Variants in ATP6V1A observed in about 807,000 individuals in gnomAD.
ATP6V1A encodes the protein ATPase H+ transporting V1 subunit A, also known as V-type proton ATPase catalytic subunit A.
ATP6V1A carries 18 observed loss-of-function variants against 70.1 expected under a neutral mutation model. The observed-to-expected ratio is 0.26, with a 90% CI of 0.18 to 0.38. The LOEUF (loss-of-function observed/expected upper bound fraction) is 0.38. Among genes scored for constraint, ATP6V1A ranks in the 10% least tolerant of loss-of-function variants. The pLI is 1.00. For synonymous variants in ATP6V1A, 232 were observed against 253.8 expected (o/e 0.91, Z 0.82); for missense variants, 424 against 772.4 (o/e 0.55, Z 5.35).
chr3:113,779,666 G>A (rs1193220617), intron 2 of ATP6V1A, among the ~76,000 whole-genome samples: 1 of 152,072 alleles, frequency 6.6e-6, no homozygotes, highest in Non-Finnish European at 1.5e-5. Context: ...GTCATTAAAA[G>A]GTTATCAGTA....
intron 1 of ATP6V1A, among the ~76,000 whole-genome samples, chr3:113,776,706 G>C (rs1577086987): frequency 6.6e-6 from 1 of 152,046 alleles, no homozygotes. Flanking sequence ...TGATTTCCTT[G>C]TGTTTATAGG....
chr3:113,762,566 C>T (rs558353787), intron 1 of ATP6V1A, among the ~76,000 whole-genome samples: 5 of 150,816 alleles, frequency 3.3e-5, no homozygotes, highest in African/African-American at 1.2e-4. Flanking sequence ...AAAACTCCAT[C>T]TCAAAAAAAA....
chr3:113,807,868 T>C (rs1709294104), intron 14 of ATP6V1A, among the ~76,000 whole-genome samples: 1 of 152,092 alleles, frequency 6.6e-6, no homozygotes. Flanking sequence ...GCGCATTGGC[T>C]CACGTCTGTA....
chr3:113,775,088 G>T (rs564951489), intron 1 of ATP6V1A, among the ~76,000 whole-genome samples: 2 of 152,226 alleles, frequency 1.3e-5, no homozygotes, highest in African/African-American at 4.8e-5. Context: ...AGGGCCAAAG[G>T]ATTGAAGTTA....
At chr3:113,787,469 T>G (rs889877698) in intron 6 of ATP6V1A, among the ~76,000 whole-genome samples, 9 of 152,204 alleles carry the variant, frequency 5.9e-5, no homozygotes, top group African/African-American at 2.2e-4. Flanking sequence ...ATCTGTAGCT[T>G]TCAACTGATG....
At position 113,758,572 on chromosome 3, in the gene ATP6V1A, C is replaced by T. The variant is rs6793302; in HGVS notation, c.-14+11459C>T. Among the ~76,000 whole-genome samples, 180 of 152,240 alleles carry T rather than the reference C, an allele frequency of 1.2e-3. 1 individual carries two copies. Among genetic ancestry groups the T allele is most frequent in the African/African-American group, 3.9e-3 (163 of 41,530 alleles). ...ATGGATATACCATAGTTTGTTTATC[C>T]ATTCACCCATTGCTGGATATTTGTG... On this transcript the variant is annotated intron_variant, in intron 1 of 14. Coordinates refer to ENST00000273398, the MANE Select transcript of ATP6V1A (RefSeq NM_001690.4).
chr3:113,803,507 T>C, intron 12 of ATP6V1A, 76 bp from the exon 13 acceptor site: 1 of 1,079,134 alleles, frequency 9.3e-7, no homozygotes, highest in South Asian at 1.4e-5. Context: ...TATAATAGTT[T>C]CTGCTTGTTA....
At chr3:113,777,659 G>T (rs1446488424) in intron 1 of ATP6V1A, among the ~76,000 whole-genome samples, 1 of 152,178 alleles carries the variant, frequency 6.6e-6, no homozygotes, top group Non-Finnish European at 1.5e-5. Flanking sequence ...AGGATGAGGT[G>T]GGAGGATCTC....
chr3:113,749,302 C>T (rs1708559282), intron 1 of ATP6V1A, among the ~76,000 whole-genome samples: 1 of 149,012 alleles, frequency 6.7e-6, no homozygotes, highest in African/African-American at 2.5e-5. Context: ...CACACACACA[C>T]ACACGATTGG....
chr3:113,802,130 T>C (rs1709220236), intron 12 of ATP6V1A, among the ~76,000 whole-genome samples: 1 of 152,186 alleles, frequency 6.6e-6, no homozygotes, highest in Non-Finnish European at 1.5e-5. Context: ...AACTTAGCTA[T>C]ACTAGTAAAA....
Position 113,803,667 on chromosome 3 carries a change from C to A in ATP6V1A, c.1579C>A (p.Pro527Thr). ...TTTCCTACAACAAAATGGATATACT[C>A]CTTATGACAGGTAAGCTATATTGAT... ...DDFLQQNGYT[P>T]YDRFCPFYKT... Residue 527 changes from proline to threonine, a missense_variant, in exon 13 of 15, where the codon CCT (proline) becomes ACT (threonine). Pro to Thr is a conservative substitution (Grantham distance 38). Around this residue, in one of 9 missense-constraint regions of ATP6V1A, gnomAD observed 127 missense variants for 207.9 expected, o/e 0.61. Coordinates refer to ENST00000273398, the MANE Select transcript of ATP6V1A (RefSeq NM_001690.4). The A allele has an allele frequency of 6.3e-7, 1 of 1,598,590 alleles. No individual in the cohort carries two copies. Among genetic ancestry groups the A allele is most frequent in the African/African-American group, 1.3e-5 (1 of 74,606 alleles).
At chr3:113,796,897 A>T (rs1709157721) in intron 11 of ATP6V1A, among the ~76,000 whole-genome samples, 1 of 152,198 alleles carries the variant, frequency 6.6e-6, no homozygotes, top group East Asian at 1.9e-4. Context: ...GGCCCTGTGA[A>T]TGATAGGCAA....
chr3:113,809,216 C>T (rs1287098498), intron 14 of ATP6V1A, 119 bp from the exon 15 acceptor site: 1 of 701,412 alleles, frequency 1.4e-6, no homozygotes, highest in South Asian at 1.8e-5. Context: ...GATCGTGCCA[C>T]TGCACTCCAG....
Position 113,768,598 on chromosome 3 carries a change from T to C in ATP6V1A, c.-13-10143T>C, listed in dbSNP as rs1461205654. Among the ~76,000 whole-genome samples the C allele has an allele frequency of 2.0e-5, 3 of 148,354 alleles. No homozygotes were observed. In the East Asian group the frequency reaches 5.9e-4, roughly 29 times the overall value. ...TGTTTCTCATAGCCTGTATCTTTTT[T>C]TTTTTTTTTTTTTTTGAGATGGAGT... On this transcript the variant is annotated intron_variant, in intron 1 of 14. Coordinates refer to ENST00000273398, the MANE Select transcript of ATP6V1A (RefSeq NM_001690.4).
chr3:113,800,100 C>T (rs1315975228), intron 12 of ATP6V1A, among the ~76,000 whole-genome samples: 2 of 151,852 alleles, frequency 1.3e-5, no homozygotes, highest in South Asian at 2.1e-4. Context: ...GGCATGGTGG[C>T]GCACCCCTGT....
intron 2 of ATP6V1A, 190 bp downstream of exon 2, chr3:113,779,025 C>T (rs1473197139): frequency 5.2e-6 from 2 of 382,438 alleles, no homozygotes; most frequent in African/African-American, 4.2e-5. Context: ...CATTGATTAT[C>T]TAAATTTTAT....
At chr3:113,755,048 T>C (rs541810755) in intron 1 of ATP6V1A, among the ~76,000 whole-genome samples, 20 of 152,074 alleles carry the variant, frequency 1.3e-4, no homozygotes, top group Non-Finnish European at 1.9e-4. Flanking sequence ...CTGTCCAAAG[T>C]TTTTTTTACA....
chr3:113,764,478 CAT>C (rs1347445143), intron 1 of ATP6V1A, among the ~76,000 whole-genome samples: 1 of 152,162 alleles, frequency 6.6e-6, no homozygotes, highest in African/African-American at 2.4e-5. Flanking sequence ...TAATGTCAAT[CAT>C]ATTCAAATGG....
intron 1 of ATP6V1A, among the ~76,000 whole-genome samples, chr3:113,768,887 C>G (rs911020263): frequency 2.6e-5 from 4 of 152,158 alleles, no homozygotes; most frequent in African/African-American, 9.7e-5. Flanking sequence ...CCGTGCCCAG[C>G]TGCCTGCATC....
Sources: gnomAD v4.1 joint callset for allele counts (sites outside exome capture counted in the v4.1 genomes callset) on GRCh38, gnomAD v4.1.1 for gene constraint, gnomAD v4.1.1 regional missense constraint, MANE v1.5 for transcripts, NCBI Gene and HGNC (gene_info 2026-07-23, HGNC 2026-07-21) for gene names.